ARB2A: variants seen among roughly 807,000 people sequenced by gnomAD.
ARB2A encodes cotranscriptional regulator ARB2A.
chr5:93,653,724 T>C, the ARB2A span, among the ~76,000 whole-genome samples: 13 of 152,122 alleles, frequency 8.5e-5, no homozygotes, highest in Admixed American at 6.6e-4. Context: ...TAGTTATTTG[T>C]ATAGCACTTG....
At chr5:93,923,778 C>T in the ARB2A span, among the ~76,000 whole-genome samples, 1 of 152,144 alleles carries the variant, frequency 6.6e-6, no homozygotes, top group Non-Finnish European at 1.5e-5. Flanking sequence ...CACTGCATTT[C>T]AGCCTGGGCA....
At chr5:93,693,450 A>G in the ARB2A span, among the ~76,000 whole-genome samples, 1 of 152,240 alleles carries the variant, frequency 6.6e-6, no homozygotes, top group East Asian at 1.9e-4. Flanking sequence ...CCTAGAAAAT[A>G]TAGAAGAAAT....
chr5:93,727,172 T>C, the ARB2A span, among the ~76,000 whole-genome samples: 1 of 152,076 alleles, frequency 6.6e-6, no homozygotes, highest in African/African-American at 2.4e-5. Context: ...TCTAAGATTA[T>C]GGTTTTTTTG....
At chr5:93,862,738 A>G in the ARB2A span, 2 of 152,130 alleles carry the variant, frequency 1.3e-5, no homozygotes, top group Non-Finnish European at 2.9e-5. Flanking sequence ...AAGGTTAGGT[A>G]TTAGATATAA....
chr5:93,841,445 G>A, the ARB2A span, among the ~76,000 whole-genome samples: 7 of 152,144 alleles, frequency 4.6e-5, no homozygotes, highest in African/African-American at 1.4e-4. Flanking sequence ...TAGGCTACAT[G>A]CAAATACTAT....
the ARB2A span, among the ~76,000 whole-genome samples, chr5:94,034,129 C>T: frequency 6.6e-6 from 1 of 152,274 alleles, no homozygotes; most frequent in South Asian, 2.1e-4. Context: ...GAATTATCAG[C>T]CGAATAAACA....
the ARB2A span, among the ~76,000 whole-genome samples, chr5:94,025,581 A>T: frequency 3.4e-5 from 5 of 149,062 alleles, no homozygotes; most frequent in Admixed American, 6.7e-5. Context: ...TCTAGTTAAG[A>T]GACTAAAGAC....
At chr5:93,859,479 T>C in the ARB2A span, among the ~76,000 whole-genome samples, 1 of 152,092 alleles carries the variant, frequency 6.6e-6, no homozygotes, top group Non-Finnish European at 1.5e-5. Flanking sequence ...TTAAATAATA[T>C]GTTAAAGGAT....
the ARB2A span, among the ~76,000 whole-genome samples, chr5:93,640,634 G>GTA: frequency 1.1e-4 from 17 of 149,170 alleles, no homozygotes; most frequent in South Asian, 1.1e-3. Context: ...ATATGTGTGT[G>GTA]TATATATATA....
At chr5:93,810,931 T>A in the ARB2A span, among the ~76,000 whole-genome samples, 3 of 152,114 alleles carry the variant, frequency 2.0e-5, no homozygotes, top group Non-Finnish European at 2.9e-5. Context: ...TTTCCTCATA[T>A]GTAAACTGAG....
chr5:93,990,912 T>A, the ARB2A span, among the ~76,000 whole-genome samples: 2 of 152,152 alleles, frequency 1.3e-5, no homozygotes, highest in Admixed American at 1.3e-4. Context: ...TCAAAGAGAA[T>A]ACTGTGACCT....
the ARB2A span, among the ~76,000 whole-genome samples, chr5:93,961,622 T>A: frequency 4.6e-5 from 7 of 151,916 alleles, no homozygotes; most frequent in Non-Finnish European, 1.0e-4. Flanking sequence ...AAGTCAAGGC[T>A]GCACTAAGCC....
At chr5:93,854,634 C>T in the ARB2A span, among the ~76,000 whole-genome samples, 38 of 152,220 alleles carry the variant, frequency 2.5e-4, no homozygotes, top group Middle Eastern at 3.4e-3. Flanking sequence ...TGAATGTGTC[C>T]CAGAGATTCT....
the ARB2A span, among the ~76,000 whole-genome samples, chr5:93,710,450 T>C: frequency 6.6e-6 from 1 of 152,224 alleles, no homozygotes; most frequent in African/African-American, 2.4e-5. Context: ...AAATGATGAC[T>C]GAATCATGTA....
the ARB2A span, among the ~76,000 whole-genome samples, chr5:93,806,816 C>G: frequency 6.6e-6 from 1 of 151,812 alleles, no homozygotes; most frequent in Non-Finnish European, 1.5e-5. Context: ...TCACTGATGT[C>G]ATGTTTTTCT....
the ARB2A span, among the ~76,000 whole-genome samples, chr5:93,635,459 GTT>G: frequency 8.5e-5 from 11 of 128,894 alleles, no homozygotes; most frequent in African/African-American, 1.3e-4. Context: ...TTATACGAAA[GTT>G]TTTTTTTTTT....
the ARB2A span, among the ~76,000 whole-genome samples, chr5:94,018,919 A>C: frequency 6.6e-6 from 1 of 152,182 alleles, no homozygotes; most frequent in Admixed American, 6.5e-5. Flanking sequence ...CTATACTACA[A>C]AGCTACAGTA....
At chr5:94,105,579 G>C in the ARB2A span, among the ~76,000 whole-genome samples, 1 of 151,976 alleles carries the variant, frequency 6.6e-6, no homozygotes, top group South Asian at 2.1e-4. Flanking sequence ...CAGATTCAAT[G>C]CTACTCCTAT....
chr5:94,047,283 G>A, the ARB2A span, among the ~76,000 whole-genome samples: 1 of 152,254 alleles, frequency 6.6e-6, no homozygotes, highest in South Asian at 2.1e-4. Flanking sequence ...CCTGAGGTCA[G>A]GAGTTCGAGA....
Sources: gnomAD v4.1 joint callset for allele counts (sites outside exome capture counted in the v4.1 genomes callset) on GRCh38, gnomAD v4.1.1 for gene constraint, MANE v1.5 for transcripts, NCBI Gene and HGNC (gene_info 2026-07-23, HGNC 2026-07-21) for gene names.